The following CREM variants were observed in gnomAD, a reference collection of about 807,000 sequenced individuals.
CREM encodes the protein cAMP-responsive element modulator.
CREM carries 13 observed loss-of-function variants against 37.3 expected under a neutral mutation model. The observed-to-expected ratio is 0.35, with a 90% CI of 0.23 to 0.55. The LOEUF is 0.55. Among genes scored for constraint, CREM ranks in the 20% least tolerant of loss-of-function variants. The probability of loss-of-function intolerance (pLI) is 0.88; values close to 1 mark genes in which losing one functional copy is unlikely to be tolerated. For missense variants in CREM, 296 were observed against 362.3 expected (o/e 0.82, Z 1.49); for synonymous variants, 124 against 120.2 (o/e 1.03, Z -0.21).
chr10:35,154,069 G>A (rs1449334154), intron 3 of CREM: 1 of 398,454 alleles, frequency 2.5e-6, no homozygotes, highest in East Asian at 3.6e-5. Flanking sequence ...AGTGCACAAT[G>A]TGTAAGGAGT....
intron 6 of CREM, among the ~76,000 whole-genome samples, chr10:35,206,098 A>G (rs1348334323): frequency 2.0e-5 from 3 of 151,496 alleles, no homozygotes; most frequent in African/African-American, 7.3e-5. Flanking sequence ...AATACAAAAA[A>G]TTAGCCAGGC....
chr10:35,158,445 G>T, intron 3 of CREM: 1 of 291,298 alleles, frequency 3.4e-6, no homozygotes, highest in South Asian at 3.0e-5. Context: ...ATTGAACAGT[G>T]CCGCCTGCAG....
intron 2 of CREM, among the ~76,000 whole-genome samples, chr10:35,144,986 C>T (rs2091897057): frequency 6.6e-6 from 1 of 151,564 alleles, no homozygotes; most frequent in Non-Finnish European, 1.5e-5. Flanking sequence ...ATGGTTAAAC[C>T]CCGTGTCTAC....
chr10:35,132,055 G>C (rs1353096432), intron 1 of CREM, among the ~76,000 whole-genome samples: 1 of 152,082 alleles, frequency 6.6e-6, no homozygotes, highest in Non-Finnish European at 1.5e-5. Context: ...ACAAAAATTA[G>C]CTGGGCATGG....
chr10:35,182,412 A>T (rs2094390761), intron 5 of CREM, among the ~76,000 whole-genome samples: 1 of 151,150 alleles, frequency 6.6e-6, no homozygotes, highest in Non-Finnish European at 1.5e-5. Context: ...ATAACCTTTT[A>T]TTATAAAAAA....
Position 35,148,595 on chromosome 10 carries a change from G to A in CREM, c.168+104G>A, listed in dbSNP as rs144195292. On this transcript the variant is annotated intron_variant, in intron 3 of 7. Transcript: ENST00000685392. ...TGATCTTAAATTTTCCATGTTCCCT[G>A]GTTATCAGCCATTCTTGCTTATTTG... 1.7e-4 allele frequency: 211 copies of A among 1,249,482 alleles called. 1 individual carries two copies. In the East Asian group the frequency reaches 3.9e-3, roughly 23 times the overall value. 77.4% of individuals were successfully genotyped at this position (1,249,482 alleles called of 1,614,324 possible). A position where few individuals can be genotyped will look rare whatever the true frequency, so the allele number is the denominator to read the frequency against.
chr10:35,205,238 T>G (rs2095492668), intron 6 of CREM, among the ~76,000 whole-genome samples: 1 of 152,228 alleles, frequency 6.6e-6, no homozygotes, highest in Admixed American at 6.5e-5. Flanking sequence ...CTTTGAGAAC[T>G]TACTTTTAGT....
chr10:35,188,897 G>T (rs1334657044), intron 6 of CREM, among the ~76,000 whole-genome samples: 1 of 151,892 alleles, frequency 6.6e-6, no homozygotes, highest in African/African-American at 2.4e-5. Flanking sequence ...ACCTCAGATG[G>T]AGTCGTCCTG....
At chr10:35,167,452 T>C (rs2093608631) in intron 3 of CREM, 5 of 396,736 alleles carry the variant, frequency 1.3e-5, no homozygotes. Context: ...CATTTTAAAA[T>C]CCTTTATTGT....
intron 6 of CREM, among the ~76,000 whole-genome samples, chr10:35,190,727 C>T (rs188931025): frequency 3.9e-5 from 6 of 152,156 alleles, no homozygotes; most frequent in Admixed American, 2.0e-4. Flanking sequence ...TGCAGTGGCA[C>T]GATGGCTCAC....
intron 1 of CREM, among the ~76,000 whole-genome samples, chr10:35,132,088 CT>C (rs538482251): frequency 1.6e-3 from 238 of 151,698 alleles, no homozygotes; most frequent in African/African-American, 5.6e-3. Context: ...GTAATCCCAG[CT>C]ACTCAGGAGA....
intron 2 of CREM, among the ~76,000 whole-genome samples, chr10:35,146,515 G>A (rs1325793812): frequency 1.3e-5 from 2 of 152,128 alleles, no homozygotes; most frequent in Non-Finnish European, 2.9e-5. Flanking sequence ...ATGTCCTGAG[G>A]TATTTTCTTT....
chr10:35,147,217 CTAAT>C (rs1377502296), intron 2 of CREM, among the ~76,000 whole-genome samples: 1 of 151,440 alleles, frequency 6.6e-6, no homozygotes, highest in Non-Finnish European at 1.5e-5. Context: ...TGGCGCCCGG[CTAAT>C]TTTTCGTATT....
intron 3 of CREM, among the ~76,000 whole-genome samples, chr10:35,157,862 C>T (rs2093014294): frequency 7.3e-6 from 1 of 136,652 alleles, no homozygotes; most frequent in Non-Finnish European, 1.7e-5. Context: ...ACCAGAAAAA[C>T]CTGTTAGATC....
At chr10:35,199,054 C>T (rs764831900) in intron 6 of CREM, among the ~76,000 whole-genome samples, 6 of 152,160 alleles carry the variant, frequency 3.9e-5, no homozygotes, top group Non-Finnish European at 8.8e-5. Flanking sequence ...GAGGCTGAGG[C>T]GGAAGAATCA....
At chr10:35,188,432 C>G in intron 6 of CREM, 44 bp downstream of exon 6, 1 of 1,492,100 alleles carries the variant, frequency 6.7e-7, no homozygotes, top group Non-Finnish European at 9.0e-7. Context: ...CTATGGATTA[C>G]TATATCACAC....
chr10:35,130,028 C>T (rs1046303137), intron 1 of CREM, among the ~76,000 whole-genome samples: 1 of 151,592 alleles, frequency 6.6e-6, no homozygotes, highest in African/African-American at 2.4e-5. Flanking sequence ...GAAACCCCGT[C>T]TCTACTAAAA....
chr10:35,160,908 G>C (rs964029470), intron 3 of CREM, among the ~76,000 whole-genome samples: 4 of 151,278 alleles, frequency 2.6e-5, no homozygotes, highest in African/African-American at 9.8e-5. Context: ...TTCATATCCT[G>C]TCCCATTGGA....
In CREM at chr10:35,211,487, C is replaced by T. The variant is rs1237609770; in HGVS notation, c.*89C>T. 28 of 1,525,354 alleles carry T rather than the reference C, an allele frequency of 1.8e-5. No homozygotes were observed. Among genetic ancestry groups the T allele is most frequent in the South Asian group, 5.1e-5 (4 of 78,970 alleles). 94.5% of individuals were successfully genotyped at this position (1,525,354 alleles called of 1,614,324 possible). Reference sequence around the variant, plus strand: ...GCCATGTGGACTTGTGGGAAGGACACGTGTGACCCTTAAGAATCCAGTTTG... The same window carrying T: ...GCCATGTGGACTTGTGGGAAGGACATGTGTGACCCTTAAGAATCCAGTTTG... On this transcript the variant is annotated 3_prime_UTR_variant, in exon 8 of 8. Coordinates refer to ENST00000685392, the MANE Select transcript of CREM (RefSeq NM_183011.2).
Sources: gnomAD v4.1 joint callset for allele counts (sites outside exome capture counted in the v4.1 genomes callset) on GRCh38, gnomAD v4.1.1 for gene constraint, MANE v1.5 for transcripts, NCBI Gene and HGNC (gene_info 2026-07-23, HGNC 2026-07-21) for gene names.